MTMR6: variants seen among roughly 807,000 people sequenced by gnomAD.
MTMR6 encodes the protein myotubularin related protein 6, also known as phosphatidylinositol-3,5-bisphosphate 3-phosphatase MTMR6.
A neutral mutation model predicts 80.1 loss-of-function variants in MTMR6; 47 were observed. That is an observed-to-expected ratio of 0.59 (90% CI 0.46 to 0.75). MTMR6 has a LOEUF of 0.75. Among genes scored for constraint, MTMR6 ranks in the 30% least tolerant of loss-of-function variants. The probability of loss-of-function intolerance (pLI) is 0.00; values close to 1 mark genes in which losing one functional copy is unlikely to be tolerated. For missense variants in MTMR6, 629 were observed against 730.9 expected (o/e 0.86, Z 1.61); for synonymous variants, 254 against 253.0 (o/e 1.00, Z -0.04).
intron 8 of MTMR6, 77 bp from the exon 9 acceptor site, chr13:25,257,398 G>T: frequency 6.5e-7 from 1 of 1,527,166 alleles, no homozygotes; most frequent in East Asian, 2.3e-5. Context: ...CATACTAGCA[G>T]GTATTGTGTT....
At chr13:25,286,494 G>A (rs1957956311) in intron 1 of MTMR6, among the ~76,000 whole-genome samples, 1 of 152,148 alleles carries the variant, frequency 6.6e-6, no homozygotes, top group South Asian at 2.1e-4. Flanking sequence ...ATTTCCTTCC[G>A]TTTTTAAATT....
Position 25,261,773 on chromosome 13 carries a change from G to C in MTMR6, c.621C>G (p.Leu207=). ...EAAICRCSQP[L]SGFSARCLED... ...CCAGGCACCTGGCACTGAATCCAGA[G>C]AGTGGCTGACTACATCGACAAATGG... is the stretch of plus-strand genomic sequence containing the variant. The change falls in exon 6 of 14, where the codon CTC becomes CTG. Residue 207 remains leucine (L), a synonymous_variant. Coordinates refer to ENST00000381801, the MANE Select transcript of MTMR6 (RefSeq NM_004685.5). 8 of 1,613,688 alleles carry C rather than the reference G, an allele frequency of 5.0e-6. No individual in the cohort carries two copies. The highest frequency in any genetic ancestry group is 6.8e-6 in the Non-Finnish European group (8 of 1,179,716).
At chr13:25,264,753 C>CA (rs769719876) in intron 5 of MTMR6, among the ~76,000 whole-genome samples, 2,547 of 32,866 alleles carry the variant, frequency 0.077, 136 homozygotes, top group African/African-American at 0.16. Context: ...AACTCCATCT[C>CA]AAAAAAAAAA....
chr13:25,260,532 C>T (rs1433439431), intron 6 of MTMR6: 1 of 957,628 alleles, frequency 1.0e-6, no homozygotes, highest in Non-Finnish European at 1.4e-6. Flanking sequence ...CCATTCCTTT[C>T]ACAAAGCTGC....
At chr13:25,276,648 C>T (rs1233795711) in intron 1 of MTMR6, among the ~76,000 whole-genome samples, 2 of 152,188 alleles carry the variant, frequency 1.3e-5, no homozygotes, top group Non-Finnish European at 2.9e-5. Context: ...CCCCTGTTCA[C>T]TATTACTCTT....
chr13:25,278,365 A>G (rs76977019), intron 1 of MTMR6, among the ~76,000 whole-genome samples: 1,962 of 152,174 alleles, frequency 0.013, 66 homozygotes, highest in Admixed American at 0.075. Flanking sequence ...GGCAGAGGTA[A>G]GGCAATCACT....
At chr13:25,261,303 TAAAAAAAAAA>T (rs56833434) in intron 6 of MTMR6, among the ~76,000 whole-genome samples, 18 of 40,870 alleles carry the variant, frequency 4.4e-4, no homozygotes, top group Admixed American at 9.2e-4. Flanking sequence ...AACTCTGTCT[TAAAAAAAAAA>T]AAAAAAAAAA....
In MTMR6 at chr13:25,265,854, A is replaced by C. The variant is rs772069465; in HGVS notation, c.556T>G (p.Phe186Val). ...TGATGATAGTAGGAAAGAACTGGGA[A>C]TCTTCCCTTGCTCCGGAACTTGGAA... ...GSSKFRSKGR[F>V]PVLSYYHQDK... Residue 186 changes from phenylalanine to valine, a missense_variant, in exon 5 of 14, where the codon TTC (phenylalanine) becomes GTC (valine). Physicochemically the swap from Phe to Val is conservative, Grantham distance 50. Transcript: ENST00000381801. 6 of 1,614,084 alleles carry C rather than the reference A, an allele frequency of 3.7e-6. No individual in the cohort carries two copies. In the Admixed American group the frequency reaches 8.3e-5, roughly 22 times the overall value.
At chr13:25,273,803 G>A (rs1957638288) in intron 2 of MTMR6, among the ~76,000 whole-genome samples, 1 of 152,142 alleles carries the variant, frequency 6.6e-6, no homozygotes, top group African/African-American at 2.4e-5. Flanking sequence ...GGGATTACAG[G>A]CGTGAGCCAC....
intron 9 of MTMR6, among the ~76,000 whole-genome samples, chr13:25,255,375 C>T (rs1957178103): frequency 6.6e-6 from 1 of 152,222 alleles, no homozygotes; most frequent in African/African-American, 2.4e-5. Context: ...ATATCTTTCT[C>T]ACTAAATGTA....
intron 9 of MTMR6, 39 bp downstream of exon 9, chr13:25,257,157 C>T: frequency 6.3e-7 from 1 of 1,578,568 alleles, no homozygotes; most frequent in Non-Finnish European, 8.6e-7. Context: ...AAAATTACTC[C>T]TACTTAAGAA....
intron 1 of MTMR6, among the ~76,000 whole-genome samples, chr13:25,274,949 C>CACACACACACAT: frequency 7.8e-6 from 1 of 127,742 alleles, no homozygotes; most frequent in East Asian, 2.6e-4. Flanking sequence ...GACACACACA[C>CACACACACACAT]ACACACACAC....
At chr13:25,256,374 G>A (rs938239661) in intron 9 of MTMR6, among the ~76,000 whole-genome samples, 1 of 152,178 alleles carries the variant, frequency 6.6e-6, no homozygotes, top group African/African-American at 2.4e-5. Flanking sequence ...CTTATTAGCA[G>A]CACTCCCGCT....
intron 9 of MTMR6, among the ~76,000 whole-genome samples, chr13:25,254,713 G>T (rs1293632211): frequency 6.6e-6 from 1 of 152,094 alleles, no homozygotes; most frequent in Non-Finnish European, 1.5e-5. Context: ...TTATAAAGCA[G>T]TATTACATTT....
Position 25,273,804 on chromosome 13 carries a change from C to G in MTMR6, c.141+267G>C, listed in dbSNP as rs547546644. Among the ~76,000 whole-genome samples, 4 of 152,042 alleles carry G rather than the reference C, an allele frequency of 2.6e-5. No individual in the cohort carries two copies. In the East Asian group the frequency reaches 7.7e-4, roughly 29 times the overall value. ...CCTCCCAAAGTGCTGGGATTACAGG[C>G]GTGAGCCACCGCATCCGGCCTAGGA... On this transcript the variant is annotated intron_variant, in intron 2 of 13. Coordinates refer to ENST00000381801, the MANE Select transcript of MTMR6 (RefSeq NM_004685.5).
At chr13:25,268,803 G>A (rs546282485) in intron 2 of MTMR6, among the ~76,000 whole-genome samples, 382 of 152,278 alleles carry the variant, frequency 2.5e-3, no homozygotes, top group Non-Finnish European at 4.4e-3. Flanking sequence ...GGCAGGGCAG[G>A]AGCCACACTC....
At chr13:25,281,884 C>G (rs1236476984) in intron 1 of MTMR6, among the ~76,000 whole-genome samples, 1 of 152,138 alleles carries the variant, frequency 6.6e-6, no homozygotes, top group Non-Finnish European at 1.5e-5. Flanking sequence ...TCATGGACCT[C>G]AAGAGGGGAG....
rs1396906465 is a variant in MTMR6 at position 25,257,263 on chromosome 13, G to T, written c.1028C>A (p.Thr343Asn). The T allele has an allele frequency of 1.2e-6, 2 of 1,613,658 alleles. No homozygotes were observed. Among genetic ancestry groups the T allele is most frequent in the Non-Finnish European group, 1.7e-6 (2 of 1,179,708 alleles). ...LVHCSDGWDR[T>N]SQVCSLGSLL... ...AGAACCCAGGGAACAAACCTGGGAA[G>T]TCCTATCCCAACCATCGGAACAATG... Residue 343 changes from threonine (T) to asparagine (N), a missense_variant, in exon 9 of 14, where the codon ACT becomes AAT. Transcript: ENST00000381801.
rs373542650 is a variant in MTMR6 at position 25,253,480 on chromosome 13, T to C, written c.1346+284A>G. ...TTTCATATTCTGGGTGCTGGTTACATAGGTGTGTGAGTTTGGTAAGATTTA... is the reference window on the plus strand; with the variant it reads ...TTTCATATTCTGGGTGCTGGTTACACAGGTGTGTGAGTTTGGTAAGATTTA... On this transcript the variant is annotated intron_variant, in intron 11 of 13. Coordinates refer to ENST00000381801, the MANE Select transcript of MTMR6 (RefSeq NM_004685.5). 5.9e-4 allele frequency among the ~76,000 whole-genome samples: 90 copies of C among 152,336 alleles called. 3 individuals are homozygous for C. In the South Asian group the frequency reaches 0.018, roughly 30 times the overall value.
Sources: allele counts gnomAD v4.1 joint callset (sites outside exome capture counted in the v4.1 genomes callset), GRCh38; gene constraint gnomAD v4.1.1; transcripts MANE v1.5; gene names NCBI Gene and HGNC (gene_info 2026-07-23, HGNC 2026-07-21).